The following CDH9 variants were observed in gnomAD, a reference collection of about 807,000 sequenced individuals.
CDH9 encodes cadherin 9, also known as cadherin-9.
A neutral mutation model predicts 70.9 loss-of-function variants in CDH9; 28 were observed. The ratio of observed to expected loss-of-function variants is 0.40; its 90% CI spans 0.29 to 0.54. CDH9 has a LOEUF of 0.54. CDH9 is among the 20% of genes least tolerant of loss of function. CDH9 has a pLI of 0.59. For missense variants in CDH9, 874 were observed against 984.4 expected (o/e 0.89, Z 1.50); for synonymous variants, 409 against 343.1 (o/e 1.19, Z -2.12).
chr5:27,028,022 G>A (rs1190427527), intron 1 of CDH9, among the ~76,000 whole-genome samples: 2 of 151,986 alleles, frequency 1.3e-5, no homozygotes, highest in South Asian at 2.1e-4. Flanking sequence ...TTTCAGAATA[G>A]TTTTGACTAT....
chr5:26,979,496 C>G (rs900278668), intron 2 of CDH9, among the ~76,000 whole-genome samples: 4 of 151,528 alleles, frequency 2.6e-5, no homozygotes, highest in African/African-American at 9.7e-5. Context: ...CTGGGGGGAA[C>G]AGAAAACAAG....
In CDH9 at chr5:26,905,999, C is replaced by T. The variant is rs141361996; in HGVS notation, c.771G>A (p.Thr257=). The change falls in exon 5 of 12, where the codon ACG becomes ACA. Residue 257 remains threonine, a synonymous_variant. Coordinates refer to ENST00000231021, the MANE Select transcript of CDH9 (RefSeq NM_016279.4). ...GLSGTTTVNI[T]LTDVNNNPPR... Reference sequence around the variant, plus strand: ...GAGGGTTGTTGTTGACATCTGTCAGCGTGATGTTCACTGTGGTGGTTCCAG... The same window carrying T: ...GAGGGTTGTTGTTGACATCTGTCAGTGTGATGTTCACTGTGGTGGTTCCAG... 85 of 1,613,680 alleles carry T rather than the reference C, an allele frequency of 5.3e-5. No homozygotes were observed. The East Asian group carries it at 1.6e-3, about 30-fold the overall frequency.
chr5:26,963,596 G>A (rs1417424819), intron 2 of CDH9, among the ~76,000 whole-genome samples: 12 of 151,972 alleles, frequency 7.9e-5, no homozygotes, highest in East Asian at 3.9e-4. Context: ...AAAAGGTTCC[G>A]AGATAGAGAA....
intron 1 of CDH9, among the ~76,000 whole-genome samples, chr5:27,001,454 G>A (rs187288076): frequency 6.6e-6 from 1 of 152,120 alleles, no homozygotes; most frequent in East Asian, 1.9e-4. Context: ...TCTTATTTTT[G>A]GTGTGGGAAT....
intron 1 of CDH9, among the ~76,000 whole-genome samples, chr5:27,021,596 T>G (rs1453004391): frequency 6.6e-6 from 1 of 151,836 alleles, no homozygotes; most frequent in African/African-American, 2.4e-5. Flanking sequence ...AGTTATAAAG[T>G]TCCAAACAGG....
intron 7 of CDH9, among the ~76,000 whole-genome samples, chr5:26,891,747 A>G (rs1260220010): frequency 6.6e-6 from 1 of 152,162 alleles, no homozygotes; most frequent in Non-Finnish European, 1.5e-5. Flanking sequence ...ATGAAACAGA[A>G]GAAAAAAAGA....
chr5:26,970,486 A>G (rs1742200465), intron 2 of CDH9, among the ~76,000 whole-genome samples: 1 of 152,138 alleles, frequency 6.6e-6, no homozygotes, highest in African/African-American at 2.4e-5. Context: ...CACATGATTG[A>G]CATGATTTCA....
chr5:26,943,777 G>A (rs1385557767), intron 2 of CDH9, among the ~76,000 whole-genome samples: 1 of 152,104 alleles, frequency 6.6e-6, no homozygotes, highest in Non-Finnish European at 1.5e-5. Flanking sequence ...TAAAACATAT[G>A]CCTCCAAGAG....
rs559861519 is a variant in CDH9, at chr5:26,977,408, T to C, written c.228+10698A>G. On this transcript the variant is annotated intron_variant, in intron 2 of 11. Coordinates refer to ENST00000231021, the MANE Select transcript of CDH9 (RefSeq NM_016279.4). ...TTGACATCAAATATAATTGACCGTTTTGTTTTCAATAAGTAACATTCTACA... is the reference window on the plus strand; with the variant it reads ...TTGACATCAAATATAATTGACCGTTCTGTTTTCAATAAGTAACATTCTACA... Among the ~76,000 whole-genome samples, 8 of 151,612 alleles carry C rather than the reference T, an allele frequency of 5.3e-5. No individual in the cohort carries two copies. In the East Asian group the frequency reaches 1.4e-3, roughly 26 times the overall value.
At chr5:26,943,359 CA>C (rs2112037975) in intron 2 of CDH9, among the ~76,000 whole-genome samples, 1 of 151,926 alleles carries the variant, frequency 6.6e-6, no homozygotes, top group South Asian at 2.1e-4. Context: ...TAAAAAAATA[CA>C]AAATTAGCCT....
intron 2 of CDH9, among the ~76,000 whole-genome samples, chr5:26,946,981 G>A (rs920757329): frequency 6.6e-6 from 1 of 152,178 alleles, no homozygotes; most frequent in African/African-American, 2.4e-5. Context: ...TGAATGCAAA[G>A]TGTGCTAAAG....
intron 2 of CDH9, among the ~76,000 whole-genome samples, chr5:26,966,435 C>T (rs1742130995): frequency 1.3e-5 from 2 of 152,198 alleles, no homozygotes; most frequent in Admixed American, 1.3e-4. Context: ...AACTATTCTT[C>T]TGAACACAGG....
chr5:26,990,185 G>C (rs1314169739), intron 1 of CDH9, among the ~76,000 whole-genome samples: 2 of 152,038 alleles, frequency 1.3e-5, no homozygotes, highest in African/African-American at 4.8e-5. Context: ...ATCAAGCATC[G>C]TTGCTCATAT....
intron 7 of CDH9, among the ~76,000 whole-genome samples, chr5:26,891,409 T>G (rs1373196148): frequency 6.6e-6 from 1 of 152,196 alleles, no homozygotes. Context: ...CCAGGTGCGG[T>G]GGCTCACGCC....
intron 2 of CDH9, among the ~76,000 whole-genome samples, chr5:26,958,556 A>C (rs1741983043): frequency 6.6e-6 from 1 of 152,172 alleles, no homozygotes; most frequent in African/African-American, 2.4e-5. Flanking sequence ...ATAAACAGAC[A>C]AAAAAATTAT....
chr5:26,985,001 A>C (rs536046442), intron 2 of CDH9, among the ~76,000 whole-genome samples: 1 of 152,228 alleles, frequency 6.6e-6, no homozygotes, highest in Non-Finnish European at 1.5e-5. Flanking sequence ...TACTCTTCTA[A>C]TCCATCCTGA....
At chr5:26,921,740 T>C (rs1741247418) in intron 2 of CDH9, among the ~76,000 whole-genome samples, 1 of 152,174 alleles carries the variant, frequency 6.6e-6, no homozygotes, top group Non-Finnish European at 1.5e-5. Flanking sequence ...TTTGCCTAAA[T>C]GGTCTCTTTG....
At chr5:26,932,128 A>ATT (rs34399260) in intron 2 of CDH9, among the ~76,000 whole-genome samples, 14,531 of 151,850 alleles carry the variant, frequency 0.096, 871 homozygotes, top group East Asian at 0.17. Flanking sequence ...TTTGAATATC[A>ATT]TTTTTTTATT....
In CDH9 at chr5:26,915,223, A is replaced by G. The variant is rs188890573; in HGVS notation, c.523+407T>C. 1.3e-3 allele frequency among the ~76,000 whole-genome samples: 198 copies of G among 152,174 alleles called. 3 individuals are homozygous for G. In the South Asian group the frequency reaches 0.021, roughly 16 times the overall value. On this transcript the variant is annotated intron_variant, in intron 3 of 11. Coordinates refer to ENST00000231021, the MANE Select transcript of CDH9 (RefSeq NM_016279.4). ...CACATAAGTTGGCTTTAATGATCAA[A>G]TGAAAAAACACTTCAGTAGAAATTT... is the stretch of plus-strand genomic sequence containing the variant.
Sources: allele counts gnomAD v4.1 joint callset (sites outside exome capture counted in the v4.1 genomes callset), GRCh38; gene constraint gnomAD v4.1.1; transcripts MANE v1.5; gene names NCBI Gene and HGNC (gene_info 2026-07-23, HGNC 2026-07-21).